The following MIDEAS variants were observed in gnomAD, a reference collection of about 807,000 sequenced individuals.
MIDEAS encodes the protein mitotic deacetylase-associated SANT domain protein.
MIDEAS carries 26 observed loss-of-function variants against 102.7 expected under a neutral mutation model. The observed-to-expected ratio is 0.25, with a 90% CI of 0.19 to 0.35. MIDEAS has a LOEUF of 0.35. Among genes scored for constraint, MIDEAS ranks in the 10% least tolerant of loss-of-function variants. The probability of loss-of-function intolerance (pLI) is 1.00; values close to 1 mark genes in which losing one functional copy is unlikely to be tolerated. For missense variants in MIDEAS, 1,231 were observed against 1,435.6 expected (o/e 0.86, Z 2.30); for synonymous variants, 585 against 591.0 (o/e 0.99, Z 0.15).
chr14:73,784,358 G>A (rs541831084), intron 1 of MIDEAS, among the ~76,000 whole-genome samples: 12 of 152,366 alleles, frequency 7.9e-5, no homozygotes, highest in African/African-American at 2.9e-4. Flanking sequence ...GAGCAAGCCA[G>A]GGAAAGGGCC....
chr14:73,759,119 G>GC lies in MIDEAS; in HGVS notation c.-248+643dup, dbSNP rs551458956. On this transcript the variant is annotated intron_variant, in intron 1 of 12. Coordinates refer to ENST00000423556, the MANE Select transcript of MIDEAS (RefSeq NM_001367710.1). This position sits in a 1 kb window ranked among gnomAD's most constrained non-coding sequence, Gnocchi z 6.7. ...TGACAGGTCTGAGGTGCGCCCGCCC[G>GC]CGCGAAGCGCTCCAGCCTAGGCCTC... 7.6e-4 allele frequency among the ~76,000 whole-genome samples: 115 copies of GC among 152,216 alleles called. No homozygotes were observed. Among genetic ancestry groups the GC allele is most frequent in the African/African-American group, 2.7e-3 (111 of 41,550 alleles).
At chr14:73,775,247 C>T (rs981512168) in intron 1 of MIDEAS, among the ~76,000 whole-genome samples, 6 of 151,960 alleles carry the variant, frequency 3.9e-5, no homozygotes, top group Non-Finnish European at 8.8e-5. Context: ...GGCCAGGGCT[C>T]AAACAAGAGT....
intron 1 of MIDEAS, among the ~76,000 whole-genome samples, chr14:73,782,278 C>T (rs554824467): frequency 6.6e-6 from 1 of 152,208 alleles, no homozygotes; most frequent in Admixed American, 6.5e-5. Context: ...ATAGTTTAGC[C>T]TGGTTTTGTA....
Position 73,739,012 on chromosome 14 carries a change from G to A in MIDEAS, c.997C>T (p.Pro333Ser). The change falls in exon 2 of 13, where the codon CCA (proline) becomes TCA (serine). Residue 333 changes from proline to serine, a missense_variant. Transcript: ENST00000423556. ...KALLQDSAPQPALPQVQIPFP... is the reference protein window; with the variant it reads ...KALLQDSAPQSALPQVQIPFP... ...GGGATCTGGACCTGAGGTAGCGCTG[G>A]CTGCGGGGCTGAGTCCTGCAGAAGG... 1 of 1,538,966 alleles carries A rather than the reference G, an allele frequency of 6.5e-7. No homozygotes were observed. The highest frequency in any genetic ancestry group is 8.8e-7 in the Non-Finnish European group (1 of 1,142,590).
chr14:73,746,144 T>A (rs1490845449), intron 1 of MIDEAS, among the ~76,000 whole-genome samples: 1 of 152,192 alleles, frequency 6.6e-6, no homozygotes. Flanking sequence ...TATGAGGCAC[T>A]CTCAGGGCTC....
rs1215699488 is a variant in MIDEAS, at chr14:73,716,279, T to C, written c.*2564A>G. On this transcript the variant is annotated 3_prime_UTR_variant, in exon 13 of 13. Transcript: ENST00000423556. ...CTAGACATGAATGCATAAAATACAG[T>C]GTCTGGCGGGATAATGCAGAGAGGT... 2.6e-5 allele frequency: 4 copies of C among 152,222 alleles called. No individual in the cohort carries two copies. Among genetic ancestry groups the C allele is most frequent in the Non-Finnish European group, 5.9e-5 (4 of 68,026 alleles). 9.4% of individuals were successfully genotyped at this position (152,222 alleles called of 1,614,324 possible).
At chr14:73,749,600 A>G (rs1337986544) in intron 1 of MIDEAS, among the ~76,000 whole-genome samples, 1 of 148,090 alleles carries the variant, frequency 6.8e-6, no homozygotes, top group African/African-American at 2.5e-5. Context: ...TAAAATATAT[A>G]TATGTATATT....
intron 1 of MIDEAS, among the ~76,000 whole-genome samples, chr14:73,740,525 G>A (rs2053269613): frequency 6.6e-6 from 1 of 152,226 alleles, no homozygotes; most frequent in South Asian, 2.1e-4. Flanking sequence ...CTCCAGGACT[G>A]CCTGCATCTG....
chr14:73,744,373 G>C (rs185850480), intron 1 of MIDEAS, among the ~76,000 whole-genome samples: 6 of 152,350 alleles, frequency 3.9e-5, no homozygotes, highest in African/African-American at 1.4e-4. Context: ...ACTATTGTGA[G>C]TCAAGGCCAC....
intron 1 of MIDEAS, among the ~76,000 whole-genome samples, chr14:73,779,093 C>G (rs1442700543): frequency 1.3e-5 from 2 of 151,860 alleles, no homozygotes; most frequent in East Asian, 2.0e-4. Flanking sequence ...CAAAATAGAA[C>G]AAGAAGAAAT....
At chr14:73,785,640 C>G (rs555056051) in intron 1 of MIDEAS, among the ~76,000 whole-genome samples, 1 of 152,330 alleles carries the variant, frequency 6.6e-6, no homozygotes, top group African/African-American at 2.4e-5. Flanking sequence ...AACCCAGCCA[C>G]CCGTGCAATT....
In MIDEAS at chr14:73,718,863, C is replaced by T. The variant is rs926690358; in HGVS notation, c.3280G>A (p.Gly1094Ser). The T allele has an allele frequency of 1.1e-5, 16 of 1,501,822 alleles. No homozygotes were observed. Among genetic ancestry groups the T allele is most frequent in the African/African-American group, 1.4e-5 (1 of 70,928 alleles). 93.0% of individuals were successfully genotyped at this position (1,501,822 alleles called of 1,614,324 possible). A position where few individuals can be genotyped will look rare whatever the true frequency, so the allele number is the denominator to read the frequency against. Residue 1094 changes from glycine (G) to serine (S), a missense_variant, in exon 13 of 13, where the codon GGT becomes AGT. Physicochemically the swap from Gly to Ser is moderately conservative, Grantham distance 56. Coordinates refer to ENST00000423556, the MANE Select transcript of MIDEAS (RefSeq NM_001367710.1). Reference protein sequence around the residue: ...AHQQALREESGAGDKG With the variant: ...AHQQALREESSAGDKG ...CGCGCTCAGCCCTTGTCGCCCGCAC[C>T]GCTCTCCTCCCGCAGGGCCTGCTGG...
upstream of MIDEAS, among the ~76,000 whole-genome samples, chr14:73,764,416 G>C (rs777456942): frequency 6.6e-5 from 10 of 151,214 alleles, no homozygotes; most frequent in Non-Finnish European, 1.0e-4. Flanking sequence ...AAGACCCCAT[G>C]GGCCTCAGGT....
chr14:73,736,431 A>G (rs1374732476), intron 3 of MIDEAS, among the ~76,000 whole-genome samples: 1 of 152,118 alleles, frequency 6.6e-6, no homozygotes, highest in African/African-American at 2.4e-5. Context: ...GGAGATCGAG[A>G]CCATCCTGGC....
At chr14:73,768,660 A>G (rs1379261940) in intron 1 of MIDEAS, among the ~76,000 whole-genome samples, 1 of 151,588 alleles carries the variant, frequency 6.6e-6, no homozygotes, top group East Asian at 1.9e-4. Context: ...AATTTTTTAT[A>G]TTTTTAGTAG....
intron 1 of MIDEAS, among the ~76,000 whole-genome samples, chr14:73,757,499 C>T (rs1011433580): frequency 6.6e-6 from 1 of 152,132 alleles, no homozygotes; most frequent in African/African-American, 2.4e-5. Flanking sequence ...CAAATAACTA[C>T]ATAAGGTGGA....
At chr14:73,772,393 A>C (rs1052580595) in intron 1 of MIDEAS, among the ~76,000 whole-genome samples, 1 of 152,240 alleles carries the variant, frequency 6.6e-6, no homozygotes, top group African/African-American at 2.4e-5. Context: ...AATTTTTACT[A>C]TGGGCAGTGT....
rs760940567 is a variant in MIDEAS at position 73,739,902 on chromosome 14, TG to T, written c.106del (p.Gln36SerfsTer6). The T allele has an allele frequency of 7.1e-6, 11 of 1,550,658 alleles. No individual in the cohort carries two copies. Among genetic ancestry groups the T allele is most frequent in the Admixed American group, 2.0e-5 (1 of 51,216 alleles). Reference protein sequence around the residue: ...KEQPPPLQPPQQSIRVKEEQY... With the variant: ...KEQPPPLQPPXQSIRVKEEQY... ...CTCCTCCTTCACTCTGATGGACTGC[TG>T]GGGGGGCTGCAGGGGAGGGGGCTGC... On this transcript the variant is annotated frameshift_variant, in exon 2 of 13. Transcript: ENST00000423556. LOFTEE classifies it high-confidence loss of function.
intron 1 of MIDEAS, among the ~76,000 whole-genome samples, chr14:73,784,893 T>A (rs1481309545): frequency 6.6e-6 from 1 of 152,240 alleles, no homozygotes; most frequent in African/African-American, 2.4e-5. Context: ...TGCCAGGGAC[T>A]GTGCCCTAAT....
Sources: allele counts gnomAD v4.1 joint callset (sites outside exome capture counted in the v4.1 genomes callset), GRCh38; gene constraint gnomAD v4.1.1; non-coding constraint Gnocchi (gnomAD v3.1); transcripts MANE v1.5; gene names NCBI Gene and HGNC (gene_info 2026-07-23, HGNC 2026-07-21).